NPLOC4: variants seen among roughly 807,000 people sequenced by gnomAD.
NPLOC4 encodes the protein NPL4 homolog, ubiquitin recognition factor.
Under a neutral mutation model 80.6 loss-of-function variants are expected in NPLOC4, and 18 were observed. That is an observed-to-expected ratio of 0.22 (90% CI 0.15 to 0.33). The LOEUF is 0.33. Among genes scored for constraint, NPLOC4 ranks in the 10% least tolerant of loss-of-function variants. The pLI is 1.00. For synonymous variants in NPLOC4, 313 were observed against 301.5 expected (o/e 1.04, Z -0.39); for missense variants, 540 against 786.1 (o/e 0.69, Z 3.74).
intron 8 of NPLOC4, among the ~76,000 whole-genome samples, chr17:81,601,841 G>C (rs767326927): frequency 1.2e-4 from 19 of 152,182 alleles, no homozygotes; most frequent in African/African-American, 3.9e-4. Flanking sequence ...ATTTGTGCAG[G>C]GGCCACTAGC....
chr17:81,637,014 C>G lies in NPLOC4; in HGVS notation c.-84G>C. On this transcript the variant is annotated 5_prime_UTR_variant, in exon 1 of 17. Coordinates refer to ENST00000331134, the MANE Select transcript of NPLOC4 (RefSeq NM_017921.4). ...GGCCTCGCAGACCCGGCCGCGGCCT[C>G]AGCCCCGGCCCCGGCCTCCCTACGC... The G allele has an allele frequency of 3.3e-6, 3 of 912,404 alleles. No homozygotes were observed. Among genetic ancestry groups the G allele is most frequent in the Non-Finnish European group, 4.2e-6 (3 of 708,260 alleles). The allele number at this position is 912,404 out of a possible 1,614,324, so 56.5% of individuals were successfully genotyped here. A position where few individuals can be genotyped will look rare whatever the true frequency, so the allele number is the denominator to read the frequency against.
At position 81,559,757 on chromosome 17, in the gene NPLOC4, G is replaced by C. The variant is rs1189722455; in HGVS notation, c.1670-341C>G. On this transcript the variant is annotated intron_variant, in intron 16 of 16. Coordinates refer to ENST00000331134, the MANE Select transcript of NPLOC4 (RefSeq NM_017921.4). ...TTTTTTTTTTTTTTTTTCTGAGGTA[G>C]GGTCTTGCTCTGTCACCCAGGCTGG... Among the ~76,000 whole-genome samples, 24 of 137,944 alleles carry C rather than the reference G, an allele frequency of 1.7e-4. No individual in the cohort carries two copies. In the Admixed American group the frequency reaches 1.7e-3, roughly 10 times the overall value. The allele number at this position is 137,944 out of a possible 152,430, so 90.5% of individuals were successfully genotyped here.
chr17:81,606,358 C>T (rs940450512), intron 7 of NPLOC4, among the ~76,000 whole-genome samples: 11 of 152,236 alleles, frequency 7.2e-5, no homozygotes, highest in Admixed American at 7.2e-4. Flanking sequence ...GACAGGTGCT[C>T]AGAGCTGGTC....
At position 81,616,333 on chromosome 17, in the gene NPLOC4, A is replaced by AAAAGAAAC. The variant is rs1555686398; in HGVS notation, c.210-2840_210-2839insGTTTCTTT. On this transcript the variant is annotated intron_variant, in intron 3 of 16. Coordinates refer to ENST00000331134, the MANE Select transcript of NPLOC4 (RefSeq NM_017921.4). ...AAGACTCTGTCTCAAAAAAAAAAAA[A>AAAAGAAAC]AAAAAGAAAAGCAAAGCTGCTAAAT... 2.3e-4 allele frequency among the ~76,000 whole-genome samples: 27 copies of AAAAGAAAC among 115,636 alleles called. 2 individuals carry two copies. The highest frequency in any genetic ancestry group is 1.0e-4 in the African/African-American group (3 of 28,990). 75.9% of individuals were successfully genotyped at this position (115,636 alleles called of 152,430 possible).
chr17:81,594,680 CAGG>C (rs1395791064), intron 11 of NPLOC4, among the ~76,000 whole-genome samples: 2 of 151,830 alleles, frequency 1.3e-5, no homozygotes, highest in African/African-American at 2.4e-5. Flanking sequence ...GAGGCTGAGG[CAGG>C]AGAATTGCGT....
At position 81,589,114 on chromosome 17, in the gene NPLOC4, A is replaced by G. The variant is rs1568134770; in HGVS notation, c.1121-10T>C. Reference sequence around the variant, plus strand: ...TGGTTGTCAGGACCACCTGCAAGAGAGAGACCTTTAAAAAGAGTCTACCAA... The same window carrying G: ...TGGTTGTCAGGACCACCTGCAAGAGGGAGACCTTTAAAAAGAGTCTACCAA... On this transcript the variant is annotated splice_polypyrimidine_tract_variant and intron_variant, in intron 11 of 16. Coordinates refer to ENST00000331134, the MANE Select transcript of NPLOC4 (RefSeq NM_017921.4). The G allele has an allele frequency of 6.2e-7, 1 of 1,609,836 alleles. No homozygotes were observed.
At chr17:81,633,860 C>T (rs140009289) in intron 1 of NPLOC4, among the ~76,000 whole-genome samples, 2,490 of 145,464 alleles carry the variant, frequency 0.017, 36 homozygotes, top group Non-Finnish European at 0.026. Flanking sequence ...CGCCCGCCAC[C>T]GCGCCCAGCT....
At chr17:81,591,445 C>CAAAAAA (rs2034736663) in intron 11 of NPLOC4, among the ~76,000 whole-genome samples, 1 of 10,708 alleles carries the variant, frequency 9.3e-5, no homozygotes, top group Non-Finnish European at 2.1e-4. Context: ...TGGAGTAAAA[C>CAAAAAA]AGAAAAAAAA....
rs188523368 is a variant in NPLOC4, at chr17:81,610,038, C to T, written c.435+172G>A. Among the ~76,000 whole-genome samples, 33 of 152,326 alleles carry T rather than the reference C, an allele frequency of 2.2e-4. No homozygotes were observed. The East Asian group carries it at 6.0e-3, about 28-fold the overall frequency. ...AAGGTCACTCCCATAAATAAAGGCTCGTCCTGTGTGCAGCTTGCACTAGGG... is the reference window on the plus strand; with the variant it reads ...AAGGTCACTCCCATAAATAAAGGCTTGTCCTGTGTGCAGCTTGCACTAGGG... On this transcript the variant is annotated intron_variant, in intron 5 of 16. Coordinates refer to ENST00000331134, the MANE Select transcript of NPLOC4 (RefSeq NM_017921.4).
chr17:81,587,911 GTGATC>G (rs2034632437), intron 12 of NPLOC4, among the ~76,000 whole-genome samples: 1 of 151,786 alleles, frequency 6.6e-6, no homozygotes, highest in Admixed American at 6.6e-5. Context: ...TCCTGACCTT[GTGATC>G]CGCCCATCTC....
At chr17:81,588,554 C>G (rs1241253749) in intron 12 of NPLOC4, among the ~76,000 whole-genome samples, 1 of 152,128 alleles carries the variant, frequency 6.6e-6, no homozygotes, top group Non-Finnish European at 1.5e-5. Context: ...CGCTATGTTG[C>G]CCAGGCTGGT....
intron 9 of NPLOC4, among the ~76,000 whole-genome samples, chr17:81,599,389 C>A (rs989580010): frequency 2.6e-5 from 4 of 152,094 alleles, no homozygotes; most frequent in Non-Finnish European, 5.9e-5. Context: ...CAAATTAGGT[C>A]AAAAAATTGG....
At chr17:81,623,464 CAAAAAAAAA>C (rs60092546) in intron 2 of NPLOC4, among the ~76,000 whole-genome samples, 1,409 of 82,616 alleles carry the variant, frequency 0.017, 59 homozygotes, top group African/African-American at 0.064. Context: ...GACTTTGTTT[CAAAAAAAAA>C]AAAAAAAAAA....
At position 81,558,597 on chromosome 17, in the gene NPLOC4, A is replaced by AT. The variant is rs1381144183; in HGVS notation, c.*661dup. The AT allele has an allele frequency of 6.6e-6, 1 of 152,232 alleles. No individual in the cohort carries two copies. Among genetic ancestry groups the AT allele is most frequent in the African/African-American group, 2.4e-5 (1 of 41,468 alleles). 9.4% of individuals were successfully genotyped at this position (152,232 alleles called of 1,614,324 possible). A position where few individuals can be genotyped will look rare whatever the true frequency, so the allele number is the denominator to read the frequency against. On this transcript the variant is annotated 3_prime_UTR_variant, in exon 17 of 17. Coordinates refer to ENST00000331134, the MANE Select transcript of NPLOC4 (RefSeq NM_017921.4). ...CAGTTTTTATCTTAAAAAAAAATAAATAAAAGTCTTCTGGGCAGGAATTAC... is the reference window on the plus strand; with the variant it reads ...CAGTTTTTATCTTAAAAAAAAATAAATTAAAAGTCTTCTGGGCAGGAATTAC...
intron 11 of NPLOC4, among the ~76,000 whole-genome samples, 159 bp from the exon 12 acceptor site, chr17:81,589,263 G>T (rs1598640011): frequency 6.6e-6 from 1 of 152,186 alleles, no homozygotes; most frequent in African/African-American, 2.4e-5. Flanking sequence ...GGGTGCGGTG[G>T]CTCATGCCTG....
intron 8 of NPLOC4, 121 bp downstream of exon 8, chr17:81,604,427 C>T: frequency 2.4e-6 from 2 of 824,114 alleles, no homozygotes; most frequent in South Asian, 1.9e-5. Context: ...TGTGCACGTG[C>T]ACCGGTGTGT....
At chr17:81,628,118 G>A (rs1285766603) in intron 2 of NPLOC4, among the ~76,000 whole-genome samples, 1 of 151,594 alleles carries the variant, frequency 6.6e-6, no homozygotes, top group Non-Finnish European at 1.5e-5. Flanking sequence ...GGCTGAGGCA[G>A]GAGAGTGGCG....
chr17:81,571,171 C>T (rs549873857), intron 13 of NPLOC4, among the ~76,000 whole-genome samples: 3 of 152,218 alleles, frequency 2.0e-5, no homozygotes, highest in South Asian at 2.1e-4. Flanking sequence ...CCTGCTGTTC[C>T]GAATGCAATG....
At position 81,629,812 on chromosome 17, in the gene NPLOC4, C is replaced by A. The variant is rs1361644967; in HGVS notation, c.16-7G>T. 1.2e-6 allele frequency: 2 copies of A among 1,604,564 alleles called. No homozygotes were observed. Among genetic ancestry groups the A allele is most frequent in the Non-Finnish European group, 1.7e-6 (2 of 1,171,598 alleles). On this transcript the variant is annotated splice_polypyrimidine_tract_variant and splice_region_variant and intron_variant, in intron 1 of 16. Transcript: ENST00000331134. ...GGGACTGGACACGAATTATCTGTTG[C>A]AAACAAAACATGATGGTTACTGCAC...
Sources: gnomAD v4.1 joint callset for allele counts (sites outside exome capture counted in the v4.1 genomes callset) on GRCh38, gnomAD v4.1.1 for gene constraint, MANE v1.5 for transcripts, NCBI Gene and HGNC (gene_info 2026-07-23, HGNC 2026-07-21) for gene names.